The following ARNT2 variants were observed in gnomAD, a reference collection of about 807,000 sequenced individuals.
The protein encoded by ARNT2 is ARNT protein 2.
In ARNT2, 36 loss-of-function variants were observed where a neutral mutation model predicts 91.7. The observed-to-expected ratio is 0.39, with a 90% confidence interval of 0.30 to 0.52. The LOEUF is 0.52. Ranked by LOEUF, ARNT2 falls within the 20% of genes least tolerant of loss-of-function variation. The pLI, the probability that ARNT2 is intolerant of heterozygous loss-of-function variation, is 0.72. For missense variants in ARNT2, 775 were observed against 939.3 expected, an observed-to-expected ratio of 0.83 and a Z score of 2.29; for synonymous variants, 365 against 347.1, an observed-to-expected ratio of 1.05 and a Z score of -0.57.
intron 17 of ARNT2, among the ~76,000 whole-genome samples, chr15:80,586,564 TGAAA>T (rs1380353165): frequency 1.3e-5 from 2 of 152,164 alleles, no homozygotes; most frequent in East Asian, 3.9e-4. Flanking sequence ...AGAGGAGAAT[TGAAA>T]GAATTTGTTA....
chr15:80,546,868 C>T (rs1897998598), intron 8 of ARNT2, among the ~76,000 whole-genome samples: 1 of 151,852 alleles, frequency 6.6e-6, no homozygotes, highest in Admixed American at 6.6e-5. Flanking sequence ...GAGGCTGAGG[C>T]AGGAGAATCG....
chr15:80,504,025 A>G lies in ARNT2; in HGVS notation c.623-4131A>G, dbSNP rs149359800. ...GTGACAGAGCCGGCCCAAGGAGAGC[A>G]CAATATGCTGCAGAGTGCAGCGAGG... On this transcript the variant is annotated intron_variant, in intron 5 of 18. Transcript: ENST00000303329. 7.5e-4 allele frequency among the ~76,000 whole-genome samples: 115 copies of G among 152,364 alleles called. 1 individual carries two copies. Among genetic ancestry groups the G allele is most frequent in the African/African-American group, 2.5e-3 (105 of 41,592 alleles).
At chr15:80,414,456 C>A (rs1336554252) in intron 1 of ARNT2, among the ~76,000 whole-genome samples, 1 of 152,058 alleles carries the variant, frequency 6.6e-6, no homozygotes, top group Admixed American at 6.5e-5. Flanking sequence ...ACATGTGGCC[C>A]CCAGATAATA....
intron 5 of ARNT2, among the ~76,000 whole-genome samples, chr15:80,481,722 A>G (rs1309458913): frequency 2.6e-5 from 4 of 152,116 alleles, no homozygotes; most frequent in Non-Finnish European, 5.9e-5. Context: ...CAAATAAACA[A>G]ATAAATAAAT....
At chr15:80,532,490 G>A (rs990438790) in intron 8 of ARNT2, among the ~76,000 whole-genome samples, 3 of 152,074 alleles carry the variant, frequency 2.0e-5, no homozygotes, top group African/African-American at 4.8e-5. Flanking sequence ...ATAAAGATTT[G>A]TGTCTTCCTA....
chr15:80,575,215 G>C, intron 14 of ARNT2, 105 bp downstream of exon 14: 1 of 1,443,646 alleles, frequency 6.9e-7, no homozygotes, highest in Non-Finnish European at 9.5e-7. Context: ...CGGAAGGTGA[G>C]TTTTGAGTAA....
intron 1 of ARNT2, among the ~76,000 whole-genome samples, chr15:80,418,554 G>C (rs185311727): frequency 6.6e-6 from 1 of 152,166 alleles, no homozygotes; most frequent in African/African-American, 2.4e-5. Flanking sequence ...GACAGAGTGG[G>C]GTAAGGTTCC....
chr15:80,447,312 G>C (rs527961855), intron 1 of ARNT2, among the ~76,000 whole-genome samples: 1 of 152,286 alleles, frequency 6.6e-6, no homozygotes, highest in African/African-American at 2.4e-5. Flanking sequence ...CTCTCCTCTG[G>C]AAAGGCTCTA....
chr15:80,558,658 C>T (rs902567752), intron 11 of ARNT2, among the ~76,000 whole-genome samples: 1 of 152,068 alleles, frequency 6.6e-6, no homozygotes, highest in African/African-American at 2.4e-5. Context: ...TGCATTTGAT[C>T]CTAATCTTCA....
At chr15:80,520,537 T>C (rs1432629663) in intron 8 of ARNT2, among the ~76,000 whole-genome samples, 1 of 151,704 alleles carries the variant, frequency 6.6e-6, no homozygotes, top group Non-Finnish European at 1.5e-5. Flanking sequence ...AGAGTGTAGA[T>C]CTCATGTTGT....
intron 13 of ARNT2, 114 bp downstream of exon 13, chr15:80,574,334 C>T (rs141135058): frequency 2.0e-6 from 2 of 1,024,962 alleles, no homozygotes; most frequent in Admixed American, 1.9e-5. Flanking sequence ...CCCATCCCCC[C>T]ACTACAATGG....
chr15:80,577,374 G>A (rs895494657), intron 15 of ARNT2, among the ~76,000 whole-genome samples: 2 of 152,238 alleles, frequency 1.3e-5, no homozygotes, highest in East Asian at 3.8e-4. Flanking sequence ...CACCACGTCT[G>A]AGCCTCATCC....
intron 1 of ARNT2, among the ~76,000 whole-genome samples, chr15:80,406,690 G>A (rs28679357): frequency 1.3e-5 from 2 of 152,166 alleles, no homozygotes; most frequent in African/African-American, 4.8e-5. Context: ...AATGGTACAA[G>A]CATAGGGTAT....
intron 8 of ARNT2, among the ~76,000 whole-genome samples, chr15:80,530,089 T>A (rs1897711805): frequency 6.6e-6 from 1 of 152,216 alleles, no homozygotes; most frequent in African/African-American, 2.4e-5. Flanking sequence ...GGCTTGTGAT[T>A]TTTTTTCCAT....
At chr15:80,468,278 C>A (rs1382676865) in intron 3 of ARNT2, among the ~76,000 whole-genome samples, 1 of 152,096 alleles carries the variant, frequency 6.6e-6, no homozygotes, top group East Asian at 1.9e-4. Flanking sequence ...TCTCCTCCTC[C>A]CCAACCCTGA....
intron 1 of ARNT2, among the ~76,000 whole-genome samples, chr15:80,449,488 G>T (rs1460093475): frequency 1.3e-5 from 2 of 152,082 alleles, no homozygotes; most frequent in African/African-American, 4.8e-5. Context: ...AAAGGGGAGA[G>T]AATTACTTTA....
chr15:80,502,968 C>A (rs548790900), intron 5 of ARNT2, among the ~76,000 whole-genome samples: 83 of 152,332 alleles, frequency 5.4e-4, no homozygotes, highest in Middle Eastern at 6.8e-3. Context: ...GTCCTTCAGA[C>A]CCAGTGGATG....
chr15:80,424,441 A>G (rs2141563985), intron 1 of ARNT2, among the ~76,000 whole-genome samples: 1 of 152,256 alleles, frequency 6.6e-6, no homozygotes, highest in South Asian at 2.1e-4. Context: ...CTCATCCAAG[A>G]TGTTCGGAGG....
At chr15:80,491,405 G>A (rs375041746) in intron 5 of ARNT2, among the ~76,000 whole-genome samples, 26 of 152,180 alleles carry the variant, frequency 1.7e-4, no homozygotes, top group African/African-American at 5.8e-4. Context: ...TCACTATCAC[G>A]AGAACAGCAC....
Sources: allele counts gnomAD v4.1 joint callset (sites outside exome capture counted in the v4.1 genomes callset), GRCh38; gene constraint gnomAD v4.1.1; transcripts MANE v1.5; gene names NCBI Gene and HGNC (gene_info 2026-07-23, HGNC 2026-07-21).